Variants in HHIPL1 observed in about 807,000 individuals in gnomAD.
HHIPL1 encodes the protein HHIP-like protein 1.
Under a neutral mutation model 61.8 loss-of-function variants are expected in HHIPL1, and 43 were observed. The ratio of observed to expected loss-of-function variants is 0.70; its 90% confidence interval spans 0.55 to 0.90. The LOEUF (loss-of-function observed/expected upper bound fraction) is 0.90. HHIPL1 is among the 40% of genes least tolerant of loss of function. The pLI, the probability that HHIPL1 is intolerant of heterozygous loss-of-function variation, is 0.00. For synonymous variants in HHIPL1, 482 were observed against 515.8 expected, an observed-to-expected ratio of 0.93 and a Z score of 0.89; for missense variants, 1,056 against 1,157.7, an observed-to-expected ratio of 0.91 and a Z score of 1.28.
upstream of HHIPL1, among the ~76,000 whole-genome samples, chr14:99,641,818 G>A (rs2055755950): frequency 6.6e-6 from 1 of 151,974 alleles, no homozygotes; most frequent in Non-Finnish European, 1.5e-5. Context: ...TTCATCTTTG[G>A]TTGTCTGCAG....
At chr14:99,656,785 AG>A (rs377113923) in intron 2 of HHIPL1, among the ~76,000 whole-genome samples, 29,064 of 45,942 alleles carry the variant, frequency 0.63, 6,903 homozygotes, top group East Asian at 0.74. Flanking sequence ...CAAAAAGAAA[AG>A]AAAAGAAAGA....
chr14:99,666,356 G>A (rs945948191), intron 6 of HHIPL1, among the ~76,000 whole-genome samples: 7 of 152,200 alleles, frequency 4.6e-5, no homozygotes, highest in Non-Finnish European at 1.0e-4. Flanking sequence ...CAGCAGCCCT[G>A]GGCGGGCTTG....
chr14:99,651,485 A>G (rs2055929202), intron 1 of HHIPL1, among the ~76,000 whole-genome samples: 1 of 152,118 alleles, frequency 6.6e-6, no homozygotes. Context: ...ACACTTTAAA[A>G]CAACCAAATC....
upstream of HHIPL1, among the ~76,000 whole-genome samples, chr14:99,643,153 G>A (rs1266596347): frequency 2.0e-5 from 3 of 152,092 alleles, no homozygotes; most frequent in Non-Finnish European, 2.9e-5. Context: ...CGATTCTCAT[G>A]CCTCAGCCTC....
chr14:99,675,550 A>G lies in HHIPL1; in HGVS notation c.2273A>G (p.Asn758Ser), dbSNP rs1054086375. The change falls in exon 9 of 9, where the codon AAC (asparagine) becomes AGC (serine). Residue 758 changes from asparagine to serine, a missense_variant. By Grantham distance (46) the Asn-to-Ser change is conservative (BLOSUM62 1). Coordinates refer to ENST00000330710, the MANE Select transcript of HHIPL1 (RefSeq NM_001127258.3). This position sits in a 1 kb window ranked among gnomAD's most constrained non-coding sequence, Gnocchi z 5.4. ...CGGAACCTGCTGGAGTGCCAGCACA[A>G]CGGCGTGGGCACCCACAACTGCGAG... ...WERNLLECQH[N>S]GVGTHNCEHD... The G allele has an allele frequency of 2.4e-5, 37 of 1,539,606 alleles. No individual in the cohort carries two copies. The highest frequency in any genetic ancestry group is 3.0e-5 in the Non-Finnish European group (34 of 1,146,060).
At chr14:99,633,117 C>T in the HHIPL1 span, among the ~76,000 whole-genome samples, 1 of 152,106 alleles carries the variant, frequency 6.6e-6, no homozygotes, top group Non-Finnish European at 1.5e-5. Flanking sequence ...GCCCAGCATA[C>T]TGGGGAAGGC....
upstream of HHIPL1, among the ~76,000 whole-genome samples, chr14:99,640,643 A>G (rs2055738305): frequency 1.3e-5 from 2 of 152,150 alleles, no homozygotes; most frequent in Middle Eastern, 3.2e-3. Flanking sequence ...AAATTTGAGC[A>G]GATACTACAG....
chr14:99,677,202 G>T lies in HHIPL1; in HGVS notation c.*1576G>T, dbSNP rs1014806210. ...GAATGGGAAACTGAGGCACACAGAG[G>T]TTAGATATCTTAGGGCACCAAGCCA... On this transcript the variant is annotated 3_prime_UTR_variant, in exon 9 of 9. Coordinates refer to ENST00000330710, the MANE Select transcript of HHIPL1 (RefSeq NM_001127258.3). The surrounding 1 kb of genome is among the most constrained non-coding windows in gnomAD (Gnocchi z 4.3). 2.0e-5 allele frequency: 3 copies of T among 152,488 alleles called. No homozygotes were observed. Among genetic ancestry groups the T allele is most frequent in the Non-Finnish European group, 4.4e-5 (3 of 68,232 alleles). 9.4% of individuals were successfully genotyped at this position (152,488 alleles called of 1,614,324 possible).
the HHIPL1 span, among the ~76,000 whole-genome samples, chr14:99,616,362 G>T: frequency 1.3e-5 from 2 of 152,204 alleles, no homozygotes; most frequent in Non-Finnish European, 2.9e-5. Flanking sequence ...TAAGTGACAC[G>T]TGACTGTAGC....
At position 99,660,280 on chromosome 14, in the gene HHIPL1, A is replaced by G. The variant is rs764720859; in HGVS notation, c.1376A>G (p.Asn459Ser). 1 of 1,613,814 alleles carries G rather than the reference A, an allele frequency of 6.2e-7. No homozygotes were observed. Among genetic ancestry groups the G allele is most frequent in the Non-Finnish European group, 8.5e-7 (1 of 1,179,918 alleles). Residue 459 changes from asparagine (N) to serine (S), a missense_variant and splice_region_variant, in exon 5 of 9, where the codon AAT (asparagine) becomes AGT (serine). Coordinates refer to ENST00000330710, the MANE Select transcript of HHIPL1 (RefSeq NM_001127258.3). This position sits in a 1 kb window ranked among gnomAD's most constrained non-coding sequence, Gnocchi z 4.9. ...DRSLCANTSL[N>S]DLLPIFAYPH... is the part of the protein sequence containing the mutation. ...AGCTTCTCTCCCTCCCACCCCGCAGATGACTTGCTGCCGATTTTCGCCTAC... is the reference window on the plus strand; with the variant it reads ...AGCTTCTCTCCCTCCCACCCCGCAGGTGACTTGCTGCCGATTTTCGCCTAC...
chr14:99,631,334 G>C, the HHIPL1 span, among the ~76,000 whole-genome samples: 1 of 151,922 alleles, frequency 6.6e-6, no homozygotes, highest in East Asian at 1.9e-4. Context: ...GCCTCCCAAA[G>C]TGCTGGGATT....
At chr14:99,634,003 G>A in the HHIPL1 span, among the ~76,000 whole-genome samples, 1 of 152,026 alleles carries the variant, frequency 6.6e-6, no homozygotes, top group Admixed American at 6.6e-5. Flanking sequence ...GAAGCCTGGC[G>A]GGGCAGGAGC....
chr14:99,634,489 T>C, the HHIPL1 span, among the ~76,000 whole-genome samples: 1 of 152,360 alleles, frequency 6.6e-6, no homozygotes, highest in East Asian at 1.9e-4. Context: ...CTTGAATCTC[T>C]GAGAGGGACT....
chr14:99,673,348 C>G (rs1283456948), intron 8 of HHIPL1, among the ~76,000 whole-genome samples: 3 of 151,318 alleles, frequency 2.0e-5, no homozygotes. Context: ...GTTACTGGCT[C>G]CATGCTGGAT....
At position 99,668,171 on chromosome 14, in the gene HHIPL1, G is replaced by A; in HGVS notation, c.1649-51G>A. The A allele has an allele frequency of 1.8e-6, 2 of 1,128,442 alleles. No homozygotes were observed. Among genetic ancestry groups the A allele is most frequent in the Middle Eastern group, 2.0e-4 (1 of 4,894 alleles). The allele number at this position is 1,128,442 out of a possible 1,614,324, so 69.9% of individuals were successfully genotyped here. On this transcript the variant is annotated intron_variant, in intron 6 of 8. Coordinates refer to ENST00000330710, the MANE Select transcript of HHIPL1 (RefSeq NM_001127258.3). This position sits in a 1 kb window ranked among gnomAD's most constrained non-coding sequence, Gnocchi z 4.7. The stretch of plus-strand genomic sequence containing the variant: ...GCCGGGTGGTGAGGCGGGGCTGGCT[G>A]GGACGGTATTCCAGGTGGGGGTCTC...
intron 8 of HHIPL1, among the ~76,000 whole-genome samples, chr14:99,674,290 A>G (rs1221211117): frequency 6.6e-6 from 1 of 152,002 alleles, no homozygotes; most frequent in Non-Finnish European, 1.5e-5. Flanking sequence ...TGTGGAGTAG[A>G]GCTGGGCACA....
At chr14:99,651,682 A>T (rs1247334370) in intron 1 of HHIPL1, among the ~76,000 whole-genome samples, 1 of 152,160 alleles carries the variant, frequency 6.6e-6, no homozygotes, top group East Asian at 1.9e-4. Flanking sequence ...CAGGAGATGG[A>T]AGGTAGACAG....
the HHIPL1 span, among the ~76,000 whole-genome samples, chr14:99,622,676 C>T: frequency 6.6e-6 from 1 of 152,218 alleles, no homozygotes; most frequent in Non-Finnish European, 1.5e-5. Flanking sequence ...CACCTTTCCA[C>T]CAGGGGGGTC....
At chr14:99,657,213 G>T in intron 3 of HHIPL1, 70 bp downstream of exon 3, 1 of 1,526,980 alleles carries the variant, frequency 6.5e-7, no homozygotes, top group Non-Finnish European at 9.0e-7. Context: ...TCTTCCAGAG[G>T]GTGAGTTCCT....
Sources: allele counts gnomAD v4.1 joint callset (sites outside exome capture counted in the v4.1 genomes callset), GRCh38; gene constraint gnomAD v4.1.1; non-coding constraint Gnocchi (gnomAD v3.1); transcripts MANE v1.5; gene names NCBI Gene and HGNC (gene_info 2026-07-23, HGNC 2026-07-21).